The following GUCY1A2 variants were observed in gnomAD, a reference collection of about 807,000 sequenced individuals.
The protein encoded by GUCY1A2 is guanylate cyclase 1 soluble subunit alpha 2.
In GUCY1A2, 27 loss-of-function variants were observed where a neutral mutation model predicts 63.5. The ratio of observed to expected loss-of-function variants is 0.43; its 90% CI spans 0.31 to 0.59. GUCY1A2 has a LOEUF of 0.59. Ranked by LOEUF, GUCY1A2 falls within the 20% of genes least tolerant of loss-of-function variation. The probability of loss-of-function intolerance (pLI) is 0.11; values close to 1 mark genes in which losing one functional copy is unlikely to be tolerated. For synonymous variants in GUCY1A2, 364 were observed against 343.5 expected, an observed-to-expected ratio of 1.06 and a Z score of -0.66; for missense variants, 768 against 913.3, an observed-to-expected ratio of 0.84 and a Z score of 2.05.
At chr11:106,858,091 G>C (rs1338560633) in intron 4 of GUCY1A2, among the ~76,000 whole-genome samples, 1 of 152,100 alleles carries the variant, frequency 6.6e-6, no homozygotes, top group Non-Finnish European at 1.5e-5. Context: ...CACATATATT[G>C]TCTAAAGCTT....
At chr11:106,746,599 C>A (rs750332433) in intron 6 of GUCY1A2, 3 of 1,596,760 alleles carry the variant, frequency 1.9e-6, no homozygotes, top group Non-Finnish European at 2.5e-6. Flanking sequence ...CTGGAACCAG[C>A]TGGATGGAAA....
chr11:106,972,294 T>C (rs563725957), intron 3 of GUCY1A2, among the ~76,000 whole-genome samples: 139 of 152,204 alleles, frequency 9.1e-4, no homozygotes, highest in African/African-American at 3.3e-3. Context: ...AAAATGGGTG[T>C]GGGATATATC....
intron 6 of GUCY1A2, among the ~76,000 whole-genome samples, chr11:106,709,218 A>G (rs999270804): frequency 1.7e-5 from 2 of 116,016 alleles, no homozygotes; most frequent in African/African-American, 6.4e-5. Context: ...TATATTATAT[A>G]TAGTTATTAA....
intron 4 of GUCY1A2, among the ~76,000 whole-genome samples, chr11:106,868,859 C>T (rs1171764616): frequency 2.0e-5 from 3 of 152,162 alleles, no homozygotes; most frequent in African/African-American, 4.8e-5. Flanking sequence ...TCAAACCATA[C>T]TACAAGGCTA....
intron 3 of GUCY1A2, among the ~76,000 whole-genome samples, chr11:106,968,935 A>C (rs1342006145): frequency 6.6e-6 from 1 of 152,206 alleles, no homozygotes; most frequent in Non-Finnish European, 1.5e-5. Flanking sequence ...TACTACTATG[A>C]GTAACAGAAA....
intron 4 of GUCY1A2, among the ~76,000 whole-genome samples, chr11:106,815,960 T>A: frequency 6.6e-6 from 1 of 151,996 alleles, no homozygotes; most frequent in East Asian, 1.9e-4. Flanking sequence ...CATGGTCCTT[T>A]TGACACTTTG....
intron 4 of GUCY1A2, among the ~76,000 whole-genome samples, chr11:106,896,129 G>A (rs1860045978): frequency 1.3e-5 from 2 of 151,314 alleles, no homozygotes; most frequent in South Asian, 4.2e-4. Flanking sequence ...CCACAACCAA[G>A]TAGTATTTTT....
chr11:106,746,720 G>T (rs1863794600), intron 6 of GUCY1A2: 1 of 740,574 alleles, frequency 1.4e-6, no homozygotes, highest in Non-Finnish European at 2.3e-6. Context: ...TTTTTTATTT[G>T]CATATACATA....
chr11:106,776,965 T>TC (rs1244405253), intron 5 of GUCY1A2, among the ~76,000 whole-genome samples: 1 of 151,956 alleles, frequency 6.6e-6, no homozygotes, highest in African/African-American at 2.4e-5. Flanking sequence ...AGCATTTTTT[T>TC]CCCAGTTTTT....
intron 1 of GUCY1A2, among the ~76,000 whole-genome samples, chr11:107,009,178 T>C (rs1361052259): frequency 6.6e-6 from 1 of 152,142 alleles, no homozygotes; most frequent in Non-Finnish European, 1.5e-5. Flanking sequence ...ATGCAGAGAT[T>C]AGGAAGCATT....
At chr11:106,742,318 T>C (rs1863708706) in intron 6 of GUCY1A2, among the ~76,000 whole-genome samples, 1 of 152,204 alleles carries the variant, frequency 6.6e-6, no homozygotes, top group Non-Finnish European at 1.5e-5. Flanking sequence ...TTAGCTATTC[T>C]TCCTGATGCT....
At chr11:106,690,860 AT>A (rs781128690) in intron 7 of GUCY1A2, among the ~76,000 whole-genome samples, 1 of 152,178 alleles carries the variant, frequency 6.6e-6, no homozygotes, top group Non-Finnish European at 1.5e-5. Context: ...CCAACAATAA[AT>A]AACAAGACTA....
chr11:106,888,599 T>C (rs1213730839), intron 4 of GUCY1A2, among the ~76,000 whole-genome samples: 1 of 152,236 alleles, frequency 6.6e-6, no homozygotes, highest in Non-Finnish European at 1.5e-5. Context: ...CTGGTTTCTT[T>C]TAAGAGCTAT....
chr11:106,862,329 TA>T (rs11309221), intron 4 of GUCY1A2, among the ~76,000 whole-genome samples: 135,219 of 151,894 alleles, frequency 0.89, 60,282 homozygotes, highest in East Asian at 1. Context: ...GAATGAGATA[TA>T]AAAAAAACAC....
intron 5 of GUCY1A2, among the ~76,000 whole-genome samples, chr11:106,793,403 A>T (rs1271817920): frequency 6.6e-6 from 1 of 152,186 alleles, no homozygotes; most frequent in Non-Finnish European, 1.5e-5. Flanking sequence ...ACTTTTAGCT[A>T]AAAACATAAG....
chr11:106,932,829 C>T (rs930073801), intron 4 of GUCY1A2, among the ~76,000 whole-genome samples: 8 of 152,136 alleles, frequency 5.3e-5, no homozygotes, highest in African/African-American at 1.4e-4. Context: ...ACACAGCCAT[C>T]TGATCTTCAG....
chr11:106,760,543 A>T (rs969796957), intron 6 of GUCY1A2, among the ~76,000 whole-genome samples: 16 of 152,170 alleles, frequency 1.1e-4, no homozygotes, highest in African/African-American at 3.9e-4. Flanking sequence ...TATTTGGACA[A>T]AGTAGGTAAA....
intron 6 of GUCY1A2, among the ~76,000 whole-genome samples, chr11:106,727,111 C>G (rs1863421093): frequency 6.6e-6 from 1 of 152,094 alleles, no homozygotes; most frequent in Non-Finnish European, 1.5e-5. Context: ...AAGAGATGCA[C>G]AAGAAGTCAA....
At chr11:106,697,512 C>T (rs1276877955) in intron 7 of GUCY1A2, among the ~76,000 whole-genome samples, 1 of 152,124 alleles carries the variant, frequency 6.6e-6, no homozygotes, top group Non-Finnish European at 1.5e-5. Flanking sequence ...CAAAAGTCTA[C>T]CTTCCTGTTT....
Sources: gnomAD v4.1 joint callset for allele counts (sites outside exome capture counted in the v4.1 genomes callset) on GRCh38, gnomAD v4.1.1 for gene constraint, MANE v1.5 for transcripts, NCBI Gene and HGNC (gene_info 2026-07-23, HGNC 2026-07-21) for gene names.